DIP2C: variants seen among roughly 807,000 people sequenced by gnomAD.
DIP2C encodes the protein disco-interacting protein 2 homolog C.
DIP2C carries 33 observed loss-of-function variants against 192.4 expected under a neutral mutation model. That is an observed-to-expected ratio of 0.17 (90% CI 0.13 to 0.23). DIP2C has a LOEUF of 0.23. DIP2C is among the 10% of genes least tolerant of loss of function. The pLI, the probability that DIP2C is intolerant of heterozygous loss-of-function variation, is 1.00. For missense variants in DIP2C, 1,537 were observed against 2,110.1 expected (o/e 0.73, Z 5.32); for synonymous variants, 979 against 864.1 (o/e 1.13, Z -2.33).
chr10:679,607 A>G (rs1301519368), intron 1 of DIP2C, among the ~76,000 whole-genome samples: 21 of 75,002 alleles, frequency 2.8e-4, no homozygotes, highest in Admixed American at 4.6e-4. Flanking sequence ...TGCTCCCTGC[A>G]CCCATCTGTG....
Position 507,262 on chromosome 10 carries a change from G to A in DIP2C, c.86-20732C>T, listed in dbSNP as rs143303308. Among the ~76,000 whole-genome samples the A allele has an allele frequency of 5.8e-3, 868 of 150,432 alleles. 9 individuals are homozygous for A. The highest frequency in any genetic ancestry group is 0.02 in the African/African-American group (802 of 40,756). The stretch of plus-strand genomic sequence containing the variant: ...CGTGAGGTTACGGACCTGGTCACCC[G>A]CTGTGTCCAATCAGAGACGTATGAG... On this transcript the variant is annotated intron_variant, in intron 1 of 36. Transcript: ENST00000280886.
intron 1 of DIP2C, among the ~76,000 whole-genome samples, chr10:579,749 T>C (rs988003673): frequency 1.3e-5 from 2 of 152,030 alleles, no homozygotes; most frequent in African/African-American, 2.4e-5. Flanking sequence ...AGGTACACTA[T>C]AATGTATGTA....
intron 31 of DIP2C, among the ~76,000 whole-genome samples, chr10:314,201 G>A (rs1048270115): frequency 9.9e-5 from 15 of 152,120 alleles, no homozygotes; most frequent in Non-Finnish European, 1.6e-4. Context: ...AAATGTTACC[G>A]GCTTAGAGAA....
intron 28 of DIP2C, among the ~76,000 whole-genome samples, chr10:342,275 C>G (rs1313627758): frequency 1.3e-5 from 2 of 152,160 alleles, no homozygotes; most frequent in Non-Finnish European, 2.9e-5. Context: ...TCTCCTGCCT[C>G]AGCCTCCCAA....
At chr10:544,774 T>C (rs1450885416) in intron 1 of DIP2C, among the ~76,000 whole-genome samples, 2 of 152,248 alleles carry the variant, frequency 1.3e-5, no homozygotes, top group African/African-American at 2.4e-5. Context: ...ATTTTTAAAT[T>C]GGATTTTCTT....
chr10:468,455 CATT>C, intron 3 of DIP2C, among the ~76,000 whole-genome samples: 1 of 152,178 alleles, frequency 6.6e-6, no homozygotes. Flanking sequence ...GCCAATCAGT[CATT>C]ATTGATTAAA....
At position 651,617 on chromosome 10, in the gene DIP2C, G is replaced by T. The variant is rs532249531; in HGVS notation, c.85+37877C>A. On this transcript the variant is annotated intron_variant, in intron 1 of 36. Coordinates refer to ENST00000280886, the MANE Select transcript of DIP2C (RefSeq NM_014974.3). This position sits in a 1 kb window ranked among gnomAD's most constrained non-coding sequence, Gnocchi z 4.1. Reference sequence around the variant, plus strand: ...GGTGCATCTTTTATAAAACAAGAACGCAAGGCTCTGAGGCCAACTTTGAAC... The same window carrying T: ...GGTGCATCTTTTATAAAACAAGAACTCAAGGCTCTGAGGCCAACTTTGAAC... The T allele has an allele frequency of 2.8e-6, 1 of 359,066 alleles. No homozygotes were observed. The highest frequency in any genetic ancestry group is 5.4e-6 in the Non-Finnish European group (1 of 183,594). 22.2% of individuals were successfully genotyped at this position (359,066 alleles called of 1,614,324 possible). A position where few individuals can be genotyped will look rare whatever the true frequency, so the allele number is the denominator to read the frequency against.
At chr10:337,024 TGTG>T (rs1957824494) in intron 29 of DIP2C, among the ~76,000 whole-genome samples, 1 of 99,670 alleles carries the variant, frequency 1.0e-5, no homozygotes, top group Non-Finnish European at 2.0e-5. Flanking sequence ...TGTGTGTGTG[TGTG>T]TGTGTTGTGG....
intron 1 of DIP2C, among the ~76,000 whole-genome samples, chr10:596,915 G>A (rs751295727): frequency 1.1e-4 from 16 of 152,256 alleles, no homozygotes; most frequent in Non-Finnish European, 1.8e-4. Context: ...ATAGTGACGC[G>A]AACATGCAGA....
At position 349,449 on chromosome 10, in the gene DIP2C, C is replaced by T. The variant is rs748771680; in HGVS notation, c.2991G>A (p.Ala997=). 31 of 1,605,266 alleles carry T rather than the reference C, an allele frequency of 1.9e-5. No homozygotes were observed. Among genetic ancestry groups the T allele is most frequent in the Middle Eastern group, 1.6e-4 (1 of 6,070 alleles). ...ILYTLLNCRG[A]IANSLTCVQL... ...GCACGCAGGTCAGCGAGTTCGCTAT[C>T]GCACCCTGCGGGCCGATCACAGGGA... Residue 997 remains alanine, a synonymous_variant, in exon 25 of 37, where the codon GCG becomes GCA. Transcript: ENST00000280886.
At chr10:374,172 T>G (rs1303428992) in intron 17 of DIP2C, among the ~76,000 whole-genome samples, 1 of 152,206 alleles carries the variant, frequency 6.6e-6, no homozygotes, top group Non-Finnish European at 1.5e-5. Context: ...ACACAGTGTT[T>G]AGTAATACAA....
At chr10:486,705 A>G (rs1406443864) in intron 1 of DIP2C, 175 bp from the exon 2 acceptor site, 3 of 480,746 alleles carry the variant, frequency 6.2e-6, no homozygotes, top group Non-Finnish European at 1.1e-5. Flanking sequence ...TCTCGAACAA[A>G]AGCCCACAGC....
chr10:544,951 ACATCT>A (rs975716662), intron 1 of DIP2C, among the ~76,000 whole-genome samples: 10 of 152,158 alleles, frequency 6.6e-5, no homozygotes, highest in African/African-American at 1.2e-4. Context: ...TATGCTTTAG[ACATCT>A]CATCTAAGGA....
intron 1 of DIP2C, among the ~76,000 whole-genome samples, chr10:520,859 GAT>G (rs1440516982): frequency 6.6e-6 from 1 of 152,186 alleles, no homozygotes; most frequent in Non-Finnish European, 1.5e-5. Context: ...CATGTTCATG[GAT>G]ATGTGTTTTT....
chr10:358,502 G>C (rs1013977247), intron 22 of DIP2C, among the ~76,000 whole-genome samples: 10 of 139,388 alleles, frequency 7.2e-5, no homozygotes, highest in African/African-American at 2.5e-4. Flanking sequence ...CAGGCCCACA[G>C]TGAGGTGTGG....
At chr10:334,912 T>A (rs1363281851) in intron 29 of DIP2C, among the ~76,000 whole-genome samples, 1 of 152,194 alleles carries the variant, frequency 6.6e-6, no homozygotes, top group African/African-American at 2.4e-5. Context: ...GCTTTCACTA[T>A]TGTGGGTCCT....
intron 1 of DIP2C, among the ~76,000 whole-genome samples, chr10:510,584 A>T (rs1164502490): frequency 1.3e-5 from 2 of 152,236 alleles, no homozygotes; most frequent in Non-Finnish European, 2.9e-5. Flanking sequence ...GGTCAGAGCC[A>T]AGTGCTGGCT....
chr10:539,966 C>A (rs945725575), intron 1 of DIP2C, among the ~76,000 whole-genome samples: 6 of 152,032 alleles, frequency 3.9e-5, no homozygotes, highest in Admixed American at 6.6e-5. Flanking sequence ...CAGAAAAAAA[C>A]AAGATGATCA....
At chr10:570,903 C>T (rs564989370) in intron 1 of DIP2C, among the ~76,000 whole-genome samples, 1 of 152,274 alleles carries the variant, frequency 6.6e-6, no homozygotes, top group Non-Finnish European at 1.5e-5. Context: ...ACTGCTGCAA[C>T]AGCAGCATCC....
Sources: gnomAD v4.1 joint callset for allele counts (sites outside exome capture counted in the v4.1 genomes callset) on GRCh38, gnomAD v4.1.1 for gene constraint, Gnocchi (gnomAD v3.1) non-coding constraint, MANE v1.5 for transcripts, NCBI Gene and HGNC (gene_info 2026-07-23, HGNC 2026-07-21) for gene names.